The following SYNJ2 variants were observed in gnomAD, a reference collection of about 807,000 sequenced individuals.
SYNJ2 encodes polyphosphatidylinositol phosphatase SYNJ2.
A neutral mutation model predicts 141.3 loss-of-function variants in SYNJ2; 116 were observed. The observed-to-expected ratio is 0.82, with a 90% confidence interval of 0.71 to 0.96. The LOEUF is 0.96. Ranked by LOEUF, SYNJ2 falls within the 40% of genes least tolerant of loss-of-function variation. SYNJ2 has a pLI of 0.00. For synonymous variants in SYNJ2, 745 were observed against 777.7 expected, an observed-to-expected ratio of 0.96 and a Z score of 0.70; for missense variants, 1,873 against 1,934.8, an observed-to-expected ratio of 0.97 and a Z score of 0.60.
chr6:157,996,326 T>G (rs971727452), intron 1 of SYNJ2, among the ~76,000 whole-genome samples: 2 of 152,078 alleles, frequency 1.3e-5, no homozygotes, highest in African/African-American at 4.8e-5. Flanking sequence ...CGCTGCTACA[T>G]CGAGAGTGCA....
chr6:158,018,864 G>A (rs1049515106), intron 2 of SYNJ2, among the ~76,000 whole-genome samples: 11 of 152,218 alleles, frequency 7.2e-5, no homozygotes, highest in Non-Finnish European at 1.0e-4. Flanking sequence ...GAAATGTGCG[G>A]GCTGCCGAGG....
chr6:158,083,124 G>A (rs1782806063), intron 20 of SYNJ2, among the ~76,000 whole-genome samples: 1 of 152,064 alleles, frequency 6.6e-6, no homozygotes, highest in South Asian at 2.1e-4. Context: ...GTACAGATCG[G>A]GTTTCACCGT....
intron 9 of SYNJ2, 141 bp downstream of exon 9, chr6:158,064,013 G>A: frequency 1.2e-6 from 1 of 806,402 alleles, no homozygotes; most frequent in Admixed American, 2.4e-5. Context: ...AGGTGGACAG[G>A]GAGACACTGG....
chr6:158,064,038 G>A (rs1781399672), intron 9 of SYNJ2, among the ~76,000 whole-genome samples, 166 bp downstream of exon 9: 1 of 152,126 alleles, frequency 6.6e-6, no homozygotes. Context: ...TCCAGAGAGG[G>A]GTTCCCCAGG....
rs1036223124 is a variant in SYNJ2, at chr6:158,040,030, G to A, written c.712-3286G>A. On this transcript the variant is annotated intron_variant, in intron 4 of 26. Transcript: ENST00000355585. The surrounding 1 kb of genome is among the most constrained non-coding windows in gnomAD (Gnocchi z 4.2). ...CTCCCTGTGGTGGGGACTCTTGGCAGGCGGATCGGCTTCTTAGGAATTAAT... is the reference window on the plus strand; with the variant it reads ...CTCCCTGTGGTGGGGACTCTTGGCAAGCGGATCGGCTTCTTAGGAATTAAT... Among the ~76,000 whole-genome samples, 1 of 152,230 alleles carries A rather than the reference G, an allele frequency of 6.6e-6. No homozygotes were observed. The highest frequency in any genetic ancestry group is 1.5e-5 in the Non-Finnish European group (1 of 68,034).
chr6:158,077,169 T>A (rs1782355218), intron 17 of SYNJ2, among the ~76,000 whole-genome samples: 1 of 152,092 alleles, frequency 6.6e-6, no homozygotes, highest in African/African-American at 2.4e-5. Context: ...TAATTTTGTA[T>A]TTTTAGTAGA....
At chr6:158,081,396 G>A (rs770058069) in intron 19 of SYNJ2, 36 bp from the exon 20 acceptor site, 55 of 1,612,326 alleles carry the variant, frequency 3.4e-5, no homozygotes, top group East Asian at 1.3e-4. Context: ...CTGCCAGGTC[G>A]TTCTTGGCAT....
chr6:158,087,083 C>T lies in SYNJ2; in HGVS notation c.3343+94C>T, dbSNP rs1783098344. 13 of 1,450,120 alleles carry T rather than the reference C, an allele frequency of 9.0e-6. No homozygotes were observed. In the South Asian group the frequency reaches 1.7e-4, roughly 19 times the overall value. 89.8% of individuals were successfully genotyped at this position (1,450,120 alleles called of 1,614,324 possible). A position where few individuals can be genotyped will look rare whatever the true frequency, so the allele number is the denominator to read the frequency against. ...AAACACGGCTCCGAATCCACTTCTC[C>T]CCGGCCTTCCGGTCCCCACAGGGCT... On this transcript the variant is annotated intron_variant, in intron 23 of 26. Coordinates refer to ENST00000355585, the MANE Select transcript of SYNJ2 (RefSeq NM_003898.4).
intron 1 of SYNJ2, among the ~76,000 whole-genome samples, chr6:158,006,437 C>T (rs1340253398): frequency 1.3e-5 from 2 of 152,162 alleles, no homozygotes; most frequent in Admixed American, 6.5e-5. Context: ...CAGAAGCAGC[C>T]TCTGACCTGC....
In SYNJ2 at chr6:158,010,339, C is replaced by T. The variant is rs1778218064; in HGVS notation, c.128-6865C>T. Reference sequence around the variant, plus strand: ...TTGAGAAAATACAGTTGTTTGGGGGCAAGTAGGGTGCGGGGTGACTCTGGA... The same window carrying T: ...TTGAGAAAATACAGTTGTTTGGGGGTAAGTAGGGTGCGGGGTGACTCTGGA... On this transcript the variant is annotated intron_variant, in intron 1 of 26. Coordinates refer to ENST00000355585, the MANE Select transcript of SYNJ2 (RefSeq NM_003898.4). Among the ~76,000 whole-genome samples, 3 of 152,168 alleles carry T rather than the reference C, an allele frequency of 2.0e-5. No individual in the cohort carries two copies. The South Asian group carries it at 6.2e-4, about 32-fold the overall frequency.
At position 158,095,656 on chromosome 6, in the gene SYNJ2, C is replaced by T; in HGVS notation, c.3783C>T (p.Val1261=). The T allele has an allele frequency of 6.2e-7, 1 of 1,612,326 alleles. No individual in the cohort carries two copies. The highest frequency in any genetic ancestry group is 8.5e-7 in the Non-Finnish European group (1 of 1,179,264). Residue 1261 remains valine, a synonymous_variant, in exon 27 of 27, where the codon GTC becomes GTT. Coordinates refer to ENST00000355585, the MANE Select transcript of SYNJ2 (RefSeq NM_003898.4). ...AAGAACAGTTTGAGCAACAGACTGT[C>T]CATTTTACAATCGGGCCCCCGGAGA... ...SPEEQFEQQT[V]HFTIGPPETS...
chr6:158,012,256 C>A (rs1469016369), intron 1 of SYNJ2, among the ~76,000 whole-genome samples: 1 of 152,226 alleles, frequency 6.6e-6, no homozygotes, highest in African/African-American at 2.4e-5. Context: ...CCCACATCCT[C>A]CTTCCCAGGC....
At position 158,047,774 on chromosome 6, in the gene SYNJ2, C is replaced by CAAAA. The variant is rs58147972; in HGVS notation, c.795+4403_795+4406dup. On this transcript the variant is annotated intron_variant, in intron 5 of 26. Coordinates refer to ENST00000355585, the MANE Select transcript of SYNJ2 (RefSeq NM_003898.4). Reference sequence around the variant, plus strand: ...CCTGGTCAACAGAGTGCGACTCTGTCAAAAAAAAAAAAAAAAAAAAAAAAA... The same window carrying CAAAA: ...CCTGGTCAACAGAGTGCGACTCTGTCAAAAAAAAAAAAAAAAAAAAAAAAAAAAA... Among the ~76,000 whole-genome samples, 103 of 32,384 alleles carry CAAAA rather than the reference C, an allele frequency of 3.2e-3. 21 individuals are homozygous for CAAAA. The highest frequency in any genetic ancestry group is 0.012 in the South Asian group (4 of 346). 21.2% of individuals were successfully genotyped at this position (32,384 alleles called of 152,430 possible). A position where few individuals can be genotyped will look rare whatever the true frequency, so the allele number is the denominator to read the frequency against.
At chr6:158,022,943 C>T (rs537742517) in intron 2 of SYNJ2, among the ~76,000 whole-genome samples, 1 of 152,298 alleles carries the variant, frequency 6.6e-6, no homozygotes, top group East Asian at 1.9e-4. Context: ...CAAGCCAGGA[C>T]ACTTTCCTTA....
chr6:158,028,584 A>G, intron 2 of SYNJ2, 172 bp from the exon 3 acceptor site: 1 of 802,094 alleles, frequency 1.2e-6, no homozygotes, highest in Non-Finnish European at 1.9e-6. Flanking sequence ...TGAAGCTTAC[A>G]GGACAGGGCA....
intron 23 of SYNJ2, among the ~76,000 whole-genome samples, chr6:158,087,229 T>C (rs1783109379): frequency 6.6e-6 from 1 of 152,232 alleles, no homozygotes; most frequent in African/African-American, 2.4e-5. Flanking sequence ...CCTGGAGCTG[T>C]GCTATTGCTT....
intron 24 of SYNJ2, 46 bp downstream of exon 24, chr6:158,088,818 G>A: frequency 7.7e-7 from 1 of 1,305,412 alleles, no homozygotes; most frequent in Admixed American, 1.7e-5. Context: ...TTTGCCCCCG[G>A]GATAGTGTGG....
chr6:158,059,560 T>TC (rs1781083506), intron 7 of SYNJ2: 23 of 809,518 alleles, frequency 2.8e-5, no homozygotes, highest in Middle Eastern at 4.5e-4. Context: ...TCTTTTCTTT[T>TC]TTTTTTTTTT....
In SYNJ2 at chr6:157,982,061, T is replaced by C. The variant is rs1200676560; in HGVS notation, c.100T>C (p.Phe34Leu). Residue 34 changes from phenylalanine to leucine, a missense_variant, in exon 1 of 27, where the codon TTC becomes CTC. By Grantham distance (22) the Phe-to-Leu change is conservative. Transcript: ENST00000355585. This position sits in a 1 kb window ranked among gnomAD's most constrained non-coding sequence, Gnocchi z 4.0. ...EARGRDDCLL[F>L]EAGTVATLAP... is the part of the protein sequence containing the mutation. Reference sequence around the variant, plus strand: ...GCGCGGCCGCGACGACTGCCTGCTGTTCGAGGCCGGCACGGTGGCCACGCT... The same window carrying C: ...GCGCGGCCGCGACGACTGCCTGCTGCTCGAGGCCGGCACGGTGGCCACGCT... 2.2e-6 allele frequency: 3 copies of C among 1,337,910 alleles called. No individual in the cohort carries two copies. The highest frequency in any genetic ancestry group is 6.2e-5 in the East Asian group (2 of 32,292). The allele number at this position is 1,337,910 out of a possible 1,614,324, so 82.9% of individuals were successfully genotyped here.
Sources: allele counts gnomAD v4.1 joint callset (sites outside exome capture counted in the v4.1 genomes callset), GRCh38; gene constraint gnomAD v4.1.1; non-coding constraint Gnocchi (gnomAD v3.1); transcripts MANE v1.5; gene names NCBI Gene and HGNC (gene_info 2026-07-23, HGNC 2026-07-21).